CLIP4: variants seen among roughly 807,000 people sequenced by gnomAD.
CLIP4 encodes CAP-Gly domain-containing linker protein 4.
A neutral mutation model predicts 73.1 loss-of-function variants in CLIP4; 47 were observed. The observed-to-expected ratio is 0.64, with a 90% CI of 0.51 to 0.82. The LOEUF (loss-of-function observed/expected upper bound fraction) is 0.82. CLIP4 is among the 40% of genes least tolerant of loss of function. The pLI is 0.00. For synonymous variants in CLIP4, 306 were observed against 295.4 expected, an observed-to-expected ratio of 1.04 and a Z score of -0.37; for missense variants, 874 against 852.9, an observed-to-expected ratio of 1.02 and a Z score of -0.31.
upstream of CLIP4, among the ~76,000 whole-genome samples, chr2:29,111,825 G>T (rs960040648): frequency 1.3e-5 from 2 of 152,014 alleles, no homozygotes; most frequent in African/African-American, 4.8e-5. Flanking sequence ...TTCAAGGATT[G>T]TGCTTTTGCA....
In CLIP4 at chr2:29,160,318, C is replaced by T; in HGVS notation, c.1400-15C>T. On this transcript the variant is annotated splice_polypyrimidine_tract_variant and intron_variant, in intron 11 of 15. Transcript: ENST00000320081. ...TTTCCTGCCCTGCCCCTGTATCCCT[C>T]CCTGACTTAAACAGGTTTGAATTCC... The T allele has an allele frequency of 1.2e-6, 2 of 1,613,982 alleles. No homozygotes were observed. The highest frequency in any genetic ancestry group is 1.7e-6 in the Non-Finnish European group (2 of 1,179,924).
intron 12 of CLIP4, among the ~76,000 whole-genome samples, chr2:29,163,222 A>G (rs1230459622): frequency 1.3e-5 from 2 of 152,118 alleles, no homozygotes; most frequent in Non-Finnish European, 2.9e-5. Context: ...AGTCTTTAAA[A>G]TAATTCTCCC....
At chr2:29,155,086 T>G (rs1572978065) in intron 9 of CLIP4, among the ~76,000 whole-genome samples, 1 of 152,176 alleles carries the variant, frequency 6.6e-6, no homozygotes, top group Non-Finnish European at 1.5e-5. Context: ...TGAGATGACA[T>G]GGACATTGCA....
intron 7 of CLIP4, 71 bp downstream of exon 7, chr2:29,144,016 TG>T (rs1311037011): frequency 7.0e-6 from 6 of 851,108 alleles, no homozygotes; most frequent in Admixed American, 6.1e-5. Context: ...GGACACAGTA[TG>T]GTCAGAGTTT....
At chr2:29,167,327 G>T in intron 13 of CLIP4, 149 bp from the exon 14 acceptor site, 1 of 457,312 alleles carries the variant, frequency 2.2e-6, no homozygotes. Flanking sequence ...TTCCATGCCA[G>T]ATGGAAGTTC....
intron 2 of CLIP4, 93 bp from the exon 3 acceptor site, chr2:29,131,165 G>T: frequency 9.2e-7 from 1 of 1,083,082 alleles, no homozygotes. Flanking sequence ...TAAAATATTT[G>T]TATCATTTGA....
At chr2:29,111,484 A>C (rs2148442576), upstream of CLIP4, among the ~76,000 whole-genome samples, 1 of 152,306 alleles carries the variant, frequency 6.6e-6, no homozygotes, top group African/African-American at 2.4e-5. Flanking sequence ...ATTGGTGGCT[A>C]TGGGGTCACA....
intron 9 of CLIP4, among the ~76,000 whole-genome samples, chr2:29,153,570 A>C (rs1053949439): frequency 6.6e-6 from 1 of 152,090 alleles, no homozygotes; most frequent in African/African-American, 2.4e-5. Context: ...TATTTGTGCA[A>C]GTGTCCTATT....
chr2:29,118,494 C>G (rs1329161723), intron 1 of CLIP4: 3 of 150,742 alleles, frequency 2.0e-5, no homozygotes, highest in African/African-American at 7.3e-5. Flanking sequence ...GGCACCTGTT[C>G]TGTAGACAGT....
chr2:29,150,003 A>C (rs1261837853), intron 8 of CLIP4, among the ~76,000 whole-genome samples: 4 of 152,236 alleles, frequency 2.6e-5, no homozygotes, highest in Admixed American at 6.5e-5. Flanking sequence ...TTATTCCAGT[A>C]AAAGAGGTAC....
chr2:29,145,229 T>C lies in CLIP4; in HGVS notation c.886-3T>C, dbSNP rs1237849354. 3 of 1,611,378 alleles carry C rather than the reference T, an allele frequency of 1.9e-6. No homozygotes were observed. The African/African-American group carries it at 4.0e-5, about 22-fold the overall frequency. ...AAATTATTCTGGTTTATATTTTCTT[T>C]AGGTTGGTACATTAAGATTTTGTGG... On this transcript the variant is annotated splice_region_variant and splice_polypyrimidine_tract_variant and intron_variant, in intron 7 of 15. Transcript: ENST00000320081.
intron 6 of CLIP4, among the ~76,000 whole-genome samples, chr2:29,141,183 G>A (rs192628106): frequency 6.6e-6 from 1 of 152,230 alleles, no homozygotes; most frequent in African/African-American, 2.4e-5. Context: ...CTCCACGGTG[G>A]TCCAAGAGAT....
intron 1 of CLIP4, among the ~76,000 whole-genome samples, chr2:29,119,194 T>A (rs1194183774): frequency 6.6e-6 from 1 of 152,218 alleles, no homozygotes; most frequent in Admixed American, 6.5e-5. Context: ...ATCTAATATG[T>A]AAAAGAATGA....
In CLIP4 at chr2:29,147,147, T is replaced by C. The variant is rs144425829; in HGVS notation, c.1021+1780T>C. On this transcript the variant is annotated intron_variant, in intron 8 of 15. Transcript: ENST00000320081. ...TTTGAATAGCTCCATTTCCTTTAAT[T>C]TTTCCAATTTGACAGATGAAAATTT... Among the ~76,000 whole-genome samples the C allele has an allele frequency of 7.1e-3, 1,074 of 152,272 alleles. 20 individuals are homozygous for C. Among genetic ancestry groups the C allele is most frequent in the African/African-American group, 0.025 (1,019 of 41,578 alleles).
At chr2:29,155,402 G>T (rs1462738684) in intron 9 of CLIP4, among the ~76,000 whole-genome samples, 1 of 41,552 alleles carries the variant, frequency 2.4e-5, no homozygotes, top group Non-Finnish European at 7.4e-5. Context: ...ACACCCAAGT[G>T]TATACACACA....
intron 8 of CLIP4, among the ~76,000 whole-genome samples, chr2:29,149,375 CCTT>C (rs1412736431): frequency 6.6e-6 from 1 of 151,018 alleles, no homozygotes; most frequent in Non-Finnish European, 1.5e-5. Context: ...ACCCTTTCCT[CCTT>C]CTTGGAAGCG....
rs746916732 is a variant in CLIP4 at position 29,157,259 on chromosome 2, A to G, written c.1311A>G (p.Arg437=). The change falls in exon 11 of 16, where the codon AGA becomes AGG. Residue 437 remains arginine (R), a synonymous_variant. Coordinates refer to ENST00000320081, the MANE Select transcript of CLIP4 (RefSeq NM_024692.6). Reference sequence around the variant, plus strand: ...CCTCTACATCTTCTTTGGAACACAGACAGAGCTACCCCAAGAAACAGAATG... The same window carrying G: ...CCTCTACATCTTCTTTGGAACACAGGCAGAGCTACCCCAAGAAACAGAATG... The part of the protein sequence containing the change: ...SCSSTSSLEH[R]QSYPKKQNAI... 1.9e-5 allele frequency: 30 copies of G among 1,614,118 alleles called. No homozygotes were observed. The highest frequency in any genetic ancestry group is 2.5e-5 in the Non-Finnish European group (29 of 1,179,992).
At chr2:29,128,896 T>A (rs1664788795) in intron 2 of CLIP4, among the ~76,000 whole-genome samples, 1 of 152,000 alleles carries the variant, frequency 6.6e-6, no homozygotes, top group Non-Finnish European at 1.5e-5. Flanking sequence ...GCACGTTTCC[T>A]TATATTATAA....
chr2:29,181,434 T>A (rs1668637273), intron 15 of CLIP4, 138 bp from the exon 16 acceptor site: 1 of 727,170 alleles, frequency 1.4e-6, no homozygotes, highest in African/African-American at 1.8e-5. Context: ...AATTTAAAAA[T>A]CAAGTTGTGA....
Sources: allele counts gnomAD v4.1 joint callset (sites outside exome capture counted in the v4.1 genomes callset), GRCh38; gene constraint gnomAD v4.1.1; transcripts MANE v1.5; gene names NCBI Gene and HGNC (gene_info 2026-07-23, HGNC 2026-07-21).